Variants in SLC25A4 observed in about 807,000 individuals in gnomAD.
SLC25A4 encodes solute carrier family 25 member 4, also known as ADP/ATP translocase 1.
SLC25A4 carries 10 observed loss-of-function variants against 24.7 expected under a neutral mutation model. That is an observed-to-expected ratio of 0.41 (90% CI 0.25 to 0.69). SLC25A4 has a LOEUF of 0.69. Among genes scored for constraint, SLC25A4 ranks in the 30% least tolerant of loss-of-function variants. SLC25A4 has a pLI of 0.35. For synonymous variants in SLC25A4, 125 were observed against 153.3 expected, an observed-to-expected ratio of 0.82 and a Z score of 1.36; for missense variants, 273 against 387.6, an observed-to-expected ratio of 0.70 and a Z score of 2.48.
chr4:185,143,955 C>T lies in SLC25A4; in HGVS notation c.111+472C>T, dbSNP rs116491665. ...TGACGCCTTCATCTTTATGTAACCT[C>T]TGTGAGAGAGTTATTCTTCTCCATT... On this transcript the variant is annotated intron_variant, in intron 1 of 3. Coordinates refer to ENST00000281456, the MANE Select transcript of SLC25A4 (RefSeq NM_001151.4). Among the ~76,000 whole-genome samples, 1,454 of 152,344 alleles carry T rather than the reference C, an allele frequency of 9.5e-3. 26 individuals carry two copies. The highest frequency in any genetic ancestry group is 0.033 in the African/African-American group (1,378 of 41,574).
In SLC25A4 at chr4:185,143,377, G is replaced by T. The variant is rs1360761267; in HGVS notation, c.5G>T (p.Gly2Val). ...TGAGAGCGTCGAGCTGTCACCATGG[G>T]TGATCACGCTTGGAGCTTCCTAAAG... MGDHAWSFLKDF... is the reference protein window; with the variant it reads MVDHAWSFLKDF... Residue 2 changes from glycine to valine, a missense_variant, in exon 1 of 4, where the codon GGT becomes GTT. Physicochemically the swap from Gly to Val is moderately radical, Grantham distance 109. Coordinates refer to ENST00000281456, the MANE Select transcript of SLC25A4 (RefSeq NM_001151.4). 1.3e-6 allele frequency: 2 copies of T among 1,527,124 alleles called. No individual in the cohort carries two copies. The highest frequency in any genetic ancestry group is 2.5e-5 in the East Asian group (1 of 39,344). 94.6% of individuals were successfully genotyped at this position (1,527,124 alleles called of 1,614,324 possible).
intron 3 of SLC25A4, 151 bp downstream of exon 3, chr4:185,146,050 C>G (rs541291759): frequency 1.8e-5 from 16 of 901,502 alleles, no homozygotes; most frequent in Non-Finnish European, 2.6e-5. Context: ...TTCCCCCTAA[C>G]GTTCTCAACT....
rs1163306474 is a variant in SLC25A4, at chr4:185,146,842, C to T, written c.768C>T (p.Asp256=). 6.2e-7 allele frequency: 1 copy of T among 1,614,110 alleles called. No individual in the cohort carries two copies. Among genetic ancestry groups the T allele is most frequent in the African/African-American group, 1.3e-5 (1 of 74,928 alleles). The part of the protein sequence containing the change: ...GADIMYTGTV[D]CWRKIAKDEG... ...ATATTATGTACACGGGGACAGTTGA[C>T]TGCTGGAGGAAGATTGCAAAAGACG... Residue 256 remains aspartate (D), a synonymous_variant, in exon 4 of 4, where the codon GAC becomes GAT. Transcript: ENST00000281456.
chr4:185,146,760 A>G (rs1234924010), intron 3 of SLC25A4, 54 bp from the exon 4 acceptor site: 6 of 1,603,812 alleles, frequency 3.7e-6, no homozygotes, highest in Non-Finnish European at 5.1e-6. Flanking sequence ...GTTTCAGGGG[A>G]AAAGTCTCTT....
rs1168789425 is a variant in SLC25A4, at chr4:185,149,055, G to C, written c.*2084G>C. On this transcript the variant is annotated 3_prime_UTR_variant, in exon 4 of 4. Coordinates refer to ENST00000281456, the MANE Select transcript of SLC25A4 (RefSeq NM_001151.4). ...ATATCTAGGCCAATAAAGTCTAAAG[G>C]GCTAAAAAGAAGGTACCTCTCCATC... 1 of 152,136 alleles carries C rather than the reference G, an allele frequency of 6.6e-6. No individual in the cohort carries two copies. Among genetic ancestry groups the C allele is most frequent in the African/African-American group, 2.4e-5 (1 of 41,396 alleles). The allele number at this position is 152,136 out of a possible 1,614,324, so 9.4% of individuals were successfully genotyped here.
rs1203867189 is a variant in SLC25A4, at chr4:185,149,580, C to A, written c.*2609C>A. 1 of 152,234 alleles carries A rather than the reference C, an allele frequency of 6.6e-6. No individual in the cohort carries two copies. Among genetic ancestry groups the A allele is most frequent in the African/African-American group, 2.4e-5 (1 of 41,456 alleles). The allele number at this position is 152,234 out of a possible 1,614,324, so 9.4% of individuals were successfully genotyped here. On this transcript the variant is annotated 3_prime_UTR_variant, in exon 4 of 4. Coordinates refer to ENST00000281456, the MANE Select transcript of SLC25A4 (RefSeq NM_001151.4). ...GGATCTGGCGGGAGAACAGGCAGTA[C>A]TTCCCTCACTAACCTACCCGCACGC...
Position 185,145,943 on chromosome 4 carries a change from G to T in SLC25A4, c.739+44G>T. The T allele has an allele frequency of 6.2e-7, 1 of 1,610,926 alleles. No individual in the cohort carries two copies. The highest frequency in any genetic ancestry group is 8.5e-7 in the Non-Finnish European group (1 of 1,178,262). On this transcript the variant is annotated intron_variant, in intron 3 of 3. Transcript: ENST00000281456. The surrounding 1 kb of genome is among the most constrained non-coding windows in gnomAD (Gnocchi z 5.5). ...CATCTAAACTTGTTTGGTTTTGCCC[G>T]AGGAGAACATTTTACAGGGCTCCTT...
At position 185,145,381 on chromosome 4, in the gene SLC25A4, TGAG is replaced by T; in HGVS notation, c.598+136_598+138del. On this transcript the variant is annotated intron_variant, in intron 2 of 3. Coordinates refer to ENST00000281456, the MANE Select transcript of SLC25A4 (RefSeq NM_001151.4). This position sits in a 1 kb window ranked among gnomAD's most constrained non-coding sequence, Gnocchi z 5.5. ...CTCTGGGATAATTGAGGCTTCTGAA[TGAG>T]GAGGTGATGTGCATAAGTTAATAGC... 2.2e-6 allele frequency: 3 copies of T among 1,382,896 alleles called. No individual in the cohort carries two copies. Among genetic ancestry groups the T allele is most frequent in the Non-Finnish European group, 3.0e-6 (3 of 997,360 alleles). The allele number at this position is 1,382,896 out of a possible 1,614,324, so 85.7% of individuals were successfully genotyped here. A position where few individuals can be genotyped will look rare whatever the true frequency, so the allele number is the denominator to read the frequency against.
In SLC25A4 at chr4:185,145,497, C is replaced by T; in HGVS notation, c.598+247C>T. The T allele has an allele frequency of 1.5e-6, 1 of 673,476 alleles. No homozygotes were observed. The highest frequency in any genetic ancestry group is 2.5e-6 in the Non-Finnish European group (1 of 402,712). 41.7% of individuals were successfully genotyped at this position (673,476 alleles called of 1,614,324 possible). A position where few individuals can be genotyped will look rare whatever the true frequency, so the allele number is the denominator to read the frequency against. On this transcript the variant is annotated intron_variant, in intron 2 of 3. Transcript: ENST00000281456. This position sits in a 1 kb window ranked among gnomAD's most constrained non-coding sequence, Gnocchi z 5.5. ...AGGGGGGAGCCTGTCTCCCTCTAGA[C>T]ACAGCCATAGCAGTTACTGAGTTTA... is the stretch of plus-strand genomic sequence containing the variant.
Position 185,145,127 on chromosome 4 carries a change from G to A in SLC25A4, c.475G>A (p.Asp159Asn), listed in dbSNP as rs372537665. Residue 159 changes from aspartate to asparagine, a missense_variant, in exon 2 of 4, where the codon GAC (aspartate) becomes AAC (asparagine). Coordinates refer to ENST00000281456, the MANE Select transcript of SLC25A4 (RefSeq NM_001151.4). The surrounding 1 kb of genome is among the most constrained non-coding windows in gnomAD (Gnocchi z 5.5). ...CCAGCGTGAGTTCCATGGTCTGGGC[G>A]ACTGTATCATCAAGATCTTCAAGTC... ...AAQREFHGLG[D>N]CIIKIFKSDG... 33 of 1,612,634 alleles carry A rather than the reference G, an allele frequency of 2.0e-5. No homozygotes were observed. The highest frequency in any genetic ancestry group is 2.7e-5 in the Non-Finnish European group (32 of 1,179,006).
chr4:185,146,716 A>G, intron 3 of SLC25A4, 98 bp from the exon 4 acceptor site: 2 of 1,448,542 alleles, frequency 1.4e-6, no homozygotes, highest in Non-Finnish European at 1.9e-6. Flanking sequence ...GATGACCCTG[A>G]TTTTATAAAA....
chr4:185,143,732 C>A (rs1305824453), intron 1 of SLC25A4, among the ~76,000 whole-genome samples: 1 of 151,352 alleles, frequency 6.6e-6, no homozygotes, highest in Non-Finnish European at 1.5e-5. Context: ...TATATGGAAA[C>A]CCACCCGGAG....
chr4:185,147,701 A>C lies in SLC25A4; in HGVS notation c.*730A>C, dbSNP rs1734467519. ...AGAGTATTCATTGAAAATCAAGGCCAGGTGCAGTGGCTCACACCTGTCACC... is the reference window on the plus strand; with the variant it reads ...AGAGTATTCATTGAAAATCAAGGCCCGGTGCAGTGGCTCACACCTGTCACC... On this transcript the variant is annotated 3_prime_UTR_variant, in exon 4 of 4. Coordinates refer to ENST00000281456, the MANE Select transcript of SLC25A4 (RefSeq NM_001151.4). 6.6e-6 allele frequency: 1 copy of C among 152,244 alleles called. No individual in the cohort carries two copies. Among genetic ancestry groups the C allele is most frequent in the African/African-American group, 2.4e-5 (1 of 41,448 alleles). 9.4% of individuals were successfully genotyped at this position (152,244 alleles called of 1,614,324 possible).
In SLC25A4 at chr4:185,145,185, A is replaced by G. The variant is rs773480426; in HGVS notation, c.533A>G (p.Asn178Ser). Residue 178 changes from asparagine (N) to serine (S), a missense_variant, in exon 2 of 4, where the codon AAC becomes AGC. Coordinates refer to ENST00000281456, the MANE Select transcript of SLC25A4 (RefSeq NM_001151.4). The surrounding 1 kb of genome is among the most constrained non-coding windows in gnomAD (Gnocchi z 5.5). ...DGLRGLYQGF[N>S]VSVQGIIIYR... ...CTGAGGGGGCTCTACCAGGGTTTCAACGTCTCTGTCCAAGGCATCATTATC... is the reference window on the plus strand; with the variant it reads ...CTGAGGGGGCTCTACCAGGGTTTCAGCGTCTCTGTCCAAGGCATCATTATC... 1.9e-6 allele frequency: 3 copies of G among 1,614,078 alleles called. No individual in the cohort carries two copies. In the South Asian group the frequency reaches 3.3e-5, roughly 18 times the overall value.
chr4:185,143,656 T>C (rs1734387161), intron 1 of SLC25A4, among the ~76,000 whole-genome samples, 173 bp downstream of exon 1: 2 of 136,616 alleles, frequency 1.5e-5, no homozygotes, highest in South Asian at 4.9e-4. Context: ...GCCCTCTGCG[T>C]AGAGACAGGT....
chr4:185,146,232 C>A (rs1734441297), intron 3 of SLC25A4, among the ~76,000 whole-genome samples: 1 of 152,110 alleles, frequency 6.6e-6, no homozygotes, highest in Admixed American at 6.5e-5. Context: ...CTACTTCTTA[C>A]AAAGAACTCT....
chr4:185,147,298 T>A lies in SLC25A4; in HGVS notation c.*327T>A, dbSNP rs1435630349. 7.8e-6 allele frequency: 2 copies of A among 257,192 alleles called. No individual in the cohort carries two copies. The highest frequency in any genetic ancestry group is 1.8e-4 in the East Asian group (2 of 11,064). The allele number at this position is 257,192 out of a possible 1,614,324, so 15.9% of individuals were successfully genotyped here. A position where few individuals can be genotyped will look rare whatever the true frequency, so the allele number is the denominator to read the frequency against. On this transcript the variant is annotated 3_prime_UTR_variant, in exon 4 of 4. Transcript: ENST00000281456. ...GCTTTCTATTTTATTGAACTCTTATTAACTGTAAAATGCATTTTTAAAAGA... is the reference window on the plus strand; with the variant it reads ...GCTTTCTATTTTATTGAACTCTTATAAACTGTAAAATGCATTTTTAAAAGA...
intron 1 of SLC25A4, 74 bp from the exon 2 acceptor site, chr4:185,144,690 C>CTTTTTT: frequency 7.1e-7 from 1 of 1,404,988 alleles, no homozygotes; most frequent in Middle Eastern, 2.4e-4. Context: ...AAGTGCAAAC[C>CTTTTTT]TTTTTTTTTC....
chr4:185,146,679 T>C (rs1734447389), intron 3 of SLC25A4, 135 bp from the exon 4 acceptor site: 1 of 921,846 alleles, frequency 1.1e-6, no homozygotes, highest in Admixed American at 1.9e-5. Context: ...CAGTGGGATG[T>C]TGCATGGAGC....
Sources: allele counts gnomAD v4.1 joint callset (sites outside exome capture counted in the v4.1 genomes callset), GRCh38; gene constraint gnomAD v4.1.1; non-coding constraint Gnocchi (gnomAD v3.1); transcripts MANE v1.5; gene names NCBI Gene and HGNC (gene_info 2026-07-23, HGNC 2026-07-21).